Variants in BLTP3A observed in about 807,000 individuals in gnomAD.
BLTP3A encodes bridge-like lipid transfer protein family member 3A.
the BLTP3A span, among the ~76,000 whole-genome samples, chr6:34,850,492 G>T: frequency 3.9e-5 from 6 of 152,078 alleles, no homozygotes; most frequent in African/African-American, 1.4e-4. Context: ...ATAATTCTTA[G>T]ATTTGCCCTT....
the BLTP3A span, among the ~76,000 whole-genome samples, chr6:34,833,224 A>T: frequency 6.6e-6 from 1 of 152,146 alleles, no homozygotes; most frequent in African/African-American, 2.4e-5. Context: ...CAGGTCCCTC[A>T]GGGTTGGCTG....
At chr6:34,870,154 T>TTTTG in the BLTP3A span, among the ~76,000 whole-genome samples, 3 of 152,284 alleles carry the variant, frequency 2.0e-5, no homozygotes, top group South Asian at 4.2e-4. Flanking sequence ...TATTTCTAGT[T>TTTTG]TTTGTTTGTT....
chr6:34,833,617 A>T, the BLTP3A span, among the ~76,000 whole-genome samples: 1 of 151,622 alleles, frequency 6.6e-6, no homozygotes, highest in South Asian at 2.1e-4. Context: ...TTCCATTCTT[A>T]AAAAAAAATT....
At chr6:34,840,163 TTACAA>T in the BLTP3A span, among the ~76,000 whole-genome samples, 1 of 152,220 alleles carries the variant, frequency 6.6e-6, no homozygotes, top group African/African-American at 2.4e-5. Context: ...TCCATGTACT[TTACAA>T]TATGGTACCA....
the BLTP3A span, among the ~76,000 whole-genome samples, chr6:34,833,651 A>T: frequency 6.6e-6 from 1 of 152,070 alleles, no homozygotes; most frequent in Non-Finnish European, 1.5e-5. Context: ...AGTACTGTCC[A>T]GGTGCGGTGG....
the BLTP3A span, among the ~76,000 whole-genome samples, chr6:34,863,765 A>G: frequency 6.6e-6 from 1 of 152,204 alleles, no homozygotes; most frequent in Non-Finnish European, 1.5e-5. Flanking sequence ...TAATGTTGAT[A>G]TGAGAGCGCT....
At chr6:34,809,594 C>G in the BLTP3A span, among the ~76,000 whole-genome samples, 1 of 152,048 alleles carries the variant, frequency 6.6e-6, no homozygotes, top group Non-Finnish European at 1.5e-5. Context: ...GAGACAGGGT[C>G]TTGCTCTGTT....
At chr6:34,871,193 G>T in the BLTP3A span, 1 of 1,499,600 alleles carries the variant, frequency 6.7e-7, no homozygotes, top group South Asian at 1.3e-5. Context: ...CAAGGAAGCA[G>T]TGACACCTGT....
chr6:34,855,484 C>A, the BLTP3A span: 1 of 968,752 alleles, frequency 1.0e-6, no homozygotes, highest in Non-Finnish European at 1.6e-6. Context: ...ACCTCACATC[C>A]TGGCCTTTTG....
the BLTP3A span, chr6:34,863,999 C>G: frequency 6.5e-7 from 1 of 1,542,648 alleles, no homozygotes. Flanking sequence ...TTTTTTTAAA[C>G]AGGGAGCCCA....
At chr6:34,808,973 A>G in the BLTP3A span, among the ~76,000 whole-genome samples, 1 of 152,250 alleles carries the variant, frequency 6.6e-6, no homozygotes, top group Admixed American at 6.5e-5. Context: ...TTTCTTTTAA[A>G]CATTTAAGAA....
At chr6:34,835,438 A>G in the BLTP3A span, 1 of 1,614,164 alleles carries the variant, frequency 6.2e-7, no homozygotes, top group Non-Finnish European at 8.5e-7. Flanking sequence ...CCATCAAAGA[A>G]AGAGCCTGGC....
chr6:34,868,416 A>G, the BLTP3A span, among the ~76,000 whole-genome samples: 1 of 151,796 alleles, frequency 6.6e-6, no homozygotes, highest in African/African-American at 2.4e-5. Flanking sequence ...CAACATAGCA[A>G]GACCTCAGCT....
chr6:34,834,075 T>A, the BLTP3A span: 1 of 883,148 alleles, frequency 1.1e-6, no homozygotes, highest in Non-Finnish European at 1.7e-6. Context: ...GTACTCCAGC[T>A]TGGGTAACAG....
the BLTP3A span, among the ~76,000 whole-genome samples, chr6:34,853,341 G>A: frequency 6.6e-6 from 1 of 151,886 alleles, no homozygotes; most frequent in African/African-American, 2.4e-5. Context: ...ACAGGCATGC[G>A]CCACCATACT....
the BLTP3A span, among the ~76,000 whole-genome samples, chr6:34,837,672 C>T: frequency 6.6e-6 from 1 of 151,918 alleles, no homozygotes; most frequent in Non-Finnish European, 1.5e-5. Flanking sequence ...CAGTGAGACC[C>T]TGTTTCAAAA....
chr6:34,801,411 G>A, the BLTP3A span, among the ~76,000 whole-genome samples: 38 of 151,938 alleles, frequency 2.5e-4, no homozygotes, highest in East Asian at 7.1e-3. Flanking sequence ...GCTGGGGAGA[G>A]GGGGGAAAAG....
chr6:34,811,998 G>C, the BLTP3A span, among the ~76,000 whole-genome samples: 1,276 of 152,098 alleles, frequency 8.4e-3, 18 homozygotes, highest in African/African-American at 0.027. Flanking sequence ...GTGTACTCCA[G>C]CTTCGGTAAC....
At chr6:34,854,506 A>G in the BLTP3A span, among the ~76,000 whole-genome samples, 1 of 152,192 alleles carries the variant, frequency 6.6e-6, no homozygotes, top group African/African-American at 2.4e-5. Context: ...TGCTTTATAC[A>G]TGTTCTTTTT....
Sources: gnomAD v4.1 joint callset for allele counts (sites outside exome capture counted in the v4.1 genomes callset) on GRCh38, gnomAD v4.1.1 for gene constraint, MANE v1.5 for transcripts, NCBI Gene and HGNC (gene_info 2026-07-23, HGNC 2026-07-21) for gene names.